SGCZ: variants seen among roughly 807,000 people sequenced by gnomAD.
The protein encoded by SGCZ is zeta-sarcoglycan.
SGCZ carries 40 observed loss-of-function variants against 41.3 expected under a neutral mutation model. The observed-to-expected ratio is 0.97, with a 90% CI of 0.75 to 1.26. The LOEUF (loss-of-function observed/expected upper bound fraction) is 1.26, where lower values mean the gene tolerates loss of function less well. SGCZ is among the 50% of genes most tolerant of loss of function. The pLI, the probability that SGCZ is intolerant of heterozygous loss-of-function variation, is 0.00. For missense variants in SGCZ, 552 were observed against 369.8 expected (o/e 1.49, Z -4.04); for synonymous variants, 206 against 137.5 (o/e 1.50, Z -3.49).
chr8:14,110,586 C>T (rs539579193), intron 5 of SGCZ, among the ~76,000 whole-genome samples: 12 of 152,098 alleles, frequency 7.9e-5, no homozygotes, highest in South Asian at 2.1e-4. Context: ...CTAAATAATA[C>T]GAGTGATTAA....
chr8:14,760,639 G>A (rs1799835956), intron 1 of SGCZ, among the ~76,000 whole-genome samples: 1 of 152,190 alleles, frequency 6.6e-6, no homozygotes, highest in South Asian at 2.1e-4. Context: ...ATTTACCTCT[G>A]CAGCTAATTC....
chr8:14,999,723 C>T (rs553074738), intron 1 of SGCZ, among the ~76,000 whole-genome samples: 2 of 152,250 alleles, frequency 1.3e-5, no homozygotes, highest in Admixed American at 1.3e-4. Context: ...CTTCAGTGCA[C>T]ACCCCAGGCA....
intron 1 of SGCZ, among the ~76,000 whole-genome samples, chr8:14,762,887 T>C (rs147236262): frequency 2.1e-4 from 32 of 152,258 alleles, no homozygotes; most frequent in Non-Finnish European, 3.2e-4. Context: ...GGGTTTGGAG[T>C]TAGATAATTT....
At chr8:14,290,585 T>C (rs1800806243) in intron 3 of SGCZ, among the ~76,000 whole-genome samples, 1 of 151,794 alleles carries the variant, frequency 6.6e-6, no homozygotes, top group South Asian at 2.1e-4. Flanking sequence ...ATGAAAAAAA[T>C]GCTCAACATC....
chr8:14,389,688 C>T (rs1348122086), intron 2 of SGCZ, among the ~76,000 whole-genome samples: 1 of 151,452 alleles, frequency 6.6e-6, no homozygotes, highest in Non-Finnish European at 1.5e-5. Context: ...AAAAATATGC[C>T]CAAGAAGTGT....
At chr8:14,607,925 C>G (rs768375875) in intron 1 of SGCZ, among the ~76,000 whole-genome samples, 1 of 152,110 alleles carries the variant, frequency 6.6e-6, no homozygotes, top group Non-Finnish European at 1.5e-5. Flanking sequence ...TATGTTCAGG[C>G]CACTTGGAGT....
chr8:14,506,063 T>G (rs1802295927), intron 2 of SGCZ, among the ~76,000 whole-genome samples: 1 of 151,888 alleles, frequency 6.6e-6, no homozygotes, highest in Non-Finnish European at 1.5e-5. Flanking sequence ...CTGGGCCAGG[T>G]GCAGTGGCTC....
chr8:14,816,768 A>G (rs1801914048), intron 1 of SGCZ, among the ~76,000 whole-genome samples: 1 of 152,222 alleles, frequency 6.6e-6, no homozygotes, highest in Admixed American at 6.5e-5. Flanking sequence ...ATATATGTTT[A>G]TAGCCTTAAA....
At chr8:14,349,949 G>C (rs189648641) in intron 2 of SGCZ, among the ~76,000 whole-genome samples, 54 of 152,202 alleles carry the variant, frequency 3.5e-4, no homozygotes, top group South Asian at 6.2e-4. Flanking sequence ...ATGTTTAACT[G>C]TGTTTAATCT....
intron 1 of SGCZ, among the ~76,000 whole-genome samples, chr8:14,896,835 C>T (rs540147454): frequency 1.3e-5 from 2 of 151,258 alleles, no homozygotes; most frequent in East Asian, 3.9e-4. Flanking sequence ...CTCTGGAGTG[C>T]AGTGGTGTGA....
chr8:14,560,423 G>C (rs1804173822), intron 1 of SGCZ, among the ~76,000 whole-genome samples: 1 of 151,954 alleles, frequency 6.6e-6, no homozygotes, highest in South Asian at 2.1e-4. Context: ...TTAATGGGAA[G>C]AACAAGGAGG....
chr8:14,711,620 A>G (rs921181735), intron 1 of SGCZ, among the ~76,000 whole-genome samples: 2 of 132,736 alleles, frequency 1.5e-5, no homozygotes, highest in African/African-American at 5.3e-5. Context: ...AAAAAAAAAA[A>G]GCCTATATGC....
chr8:15,097,857 C>T lies in SGCZ; in HGVS notation c.39+139728G>A, dbSNP rs5029602. Among the ~76,000 whole-genome samples the T allele has an allele frequency of 2.8e-4, 11 of 39,416 alleles. 1 individual carries two copies. Among genetic ancestry groups the T allele is most frequent in the African/African-American group, 6.1e-4 (6 of 9,846 alleles). 25.9% of individuals were successfully genotyped at this position (39,416 alleles called of 152,430 possible). The stretch of plus-strand genomic sequence containing the variant: ...ATACGTGTGTGTATATATATATATA[C>T]GTGTGTGTGTATATATATATATATA... On this transcript the variant is annotated intron_variant, in intron 1 of 7. Transcript: ENST00000382080.
At chr8:14,599,247 C>G (rs1805509764) in intron 1 of SGCZ, among the ~76,000 whole-genome samples, 1 of 140,336 alleles carries the variant, frequency 7.1e-6, no homozygotes, top group African/African-American at 2.5e-5. Context: ...ACTATTTCCT[C>G]AAATCCCTCC....
chr8:14,965,125 C>G (rs1281108835), intron 1 of SGCZ, among the ~76,000 whole-genome samples: 5 of 152,096 alleles, frequency 3.3e-5, no homozygotes, highest in Admixed American at 6.6e-5. Flanking sequence ...AATCCCGATA[C>G]TCGAGAGGGG....
intron 1 of SGCZ, among the ~76,000 whole-genome samples, chr8:14,740,797 CT>C (rs533237554): frequency 2.0e-4 from 30 of 152,088 alleles, no homozygotes; most frequent in African/African-American, 7.0e-4. Context: ...ACCATAATTT[CT>C]TTAAGTTATC....
At chr8:14,532,680 T>C (rs145559437) in intron 2 of SGCZ, among the ~76,000 whole-genome samples, 10 of 125,506 alleles carry the variant, frequency 8.0e-5, no homozygotes, top group African/African-American at 2.9e-4. Flanking sequence ...ATGTGTCTAG[T>C]ATGCCTTACA....
chr8:14,372,182 C>T (rs1187643938), intron 2 of SGCZ, among the ~76,000 whole-genome samples: 2 of 152,036 alleles, frequency 1.3e-5, no homozygotes, highest in Non-Finnish European at 2.9e-5. Flanking sequence ...TCATGGAACT[C>T]TCTCACAGTA....
intron 1 of SGCZ, among the ~76,000 whole-genome samples, chr8:15,204,475 AT>A (rs368790787): frequency 6.6e-6 from 1 of 152,280 alleles, no homozygotes; most frequent in Non-Finnish European, 1.5e-5. Context: ...CTTCAGTCAA[AT>A]TGGGCAGCTT....
Sources: allele counts gnomAD v4.1 joint callset (sites outside exome capture counted in the v4.1 genomes callset), GRCh38; gene constraint gnomAD v4.1.1; transcripts MANE v1.5; gene names NCBI Gene and HGNC (gene_info 2026-07-23, HGNC 2026-07-21).